Variants in PTPRK observed in about 807,000 individuals in gnomAD.
PTPRK encodes receptor-type tyrosine-protein phosphatase kappa.
In PTPRK, 75 loss-of-function variants were observed where a neutral mutation model predicts 178.0. That is an observed-to-expected ratio of 0.42 (90% confidence interval 0.35 to 0.51). The LOEUF (loss-of-function observed/expected upper bound fraction) is 0.51. Ranked by LOEUF, PTPRK falls within the 20% of genes least tolerant of loss-of-function variation. PTPRK has a pLI of 0.02. For missense variants in PTPRK, 1,441 were observed against 1,797.8 expected (o/e 0.80, Z 3.59); for synonymous variants, 637 against 620.6 (o/e 1.03, Z -0.39).
intron 2 of PTPRK, among the ~76,000 whole-genome samples, chr6:128,394,188 T>C (rs925263495): frequency 4.6e-5 from 7 of 152,244 alleles, no homozygotes; most frequent in African/African-American, 1.4e-4. Flanking sequence ...CATGTTATTG[T>C]ATAAAGCAAT....
Position 128,184,580 on chromosome 6 carries a change from T to C in PTPRK, c.1014A>G (p.Thr338=). The C allele has an allele frequency of 6.2e-7, 1 of 1,614,050 alleles. No individual in the cohort carries two copies. The highest frequency in any genetic ancestry group is 8.5e-7 in the Non-Finnish European group (1 of 1,179,934). ...VEYRMTSGSW[T]ETHAVNAPTY... The stretch of plus-strand genomic sequence containing the variant: ...TTGGAGCATTGACTGCATGGGTTTC[T>C]GTCCAGGATCCTGATGTCATTCGGT... The change falls in exon 7 of 30, where the codon ACA becomes ACG. Residue 338 remains threonine (T), a synonymous_variant. Transcript: ENST00000368226.
chr6:128,457,326 T>A (rs1034672219), intron 1 of PTPRK, among the ~76,000 whole-genome samples: 1 of 152,252 alleles, frequency 6.6e-6, no homozygotes, highest in Non-Finnish European at 1.5e-5. Context: ...TTCTTGCTTG[T>A]TGCATCACTT....
intron 15 of PTPRK, chr6:128,001,202 T>C (rs1287650213): frequency 2.0e-6 from 3 of 1,534,832 alleles, no homozygotes; most frequent in South Asian, 1.2e-5. Context: ...TTACCTGTTA[T>C]AGGAACTTAA....
intron 11 of PTPRK, among the ~76,000 whole-genome samples, chr6:128,072,709 G>C (rs1307347112): frequency 6.6e-6 from 1 of 152,006 alleles, no homozygotes; most frequent in Non-Finnish European, 1.5e-5. Flanking sequence ...ATACAGTCAA[G>C]AATTTCTGCC....
At chr6:128,482,837 C>G (rs1277403808) in intron 1 of PTPRK, among the ~76,000 whole-genome samples, 1 of 152,140 alleles carries the variant, frequency 6.6e-6, no homozygotes, top group Non-Finnish European at 1.5e-5. Context: ...CAGATAGCAT[C>G]TGTCTCTTAC....
In PTPRK at chr6:128,112,970, G is replaced by A. The variant is rs1034850925; in HGVS notation, c.1163-22978C>T. ...GTCATCTACTCACTTACTCAAACCTGAGAGTCATCCTGCATATGATAGTTG... is the reference window on the plus strand; with the variant it reads ...GTCATCTACTCACTTACTCAAACCTAAGAGTCATCCTGCATATGATAGTTG... On this transcript the variant is annotated intron_variant, in intron 7 of 29. Coordinates refer to ENST00000368226, the MANE Select transcript of PTPRK (RefSeq NM_002844.4). Among the ~76,000 whole-genome samples the A allele has an allele frequency of 7.2e-5, 11 of 152,002 alleles. 1 individual carries two copies. The highest frequency in any genetic ancestry group is 6.6e-4 in the Admixed American group (10 of 15,264).
chr6:128,333,282 C>G (rs987796753), intron 2 of PTPRK, among the ~76,000 whole-genome samples: 2 of 152,106 alleles, frequency 1.3e-5, no homozygotes, highest in Admixed American at 1.3e-4. Flanking sequence ...ACATTAAAGA[C>G]CAGAACTGAA....
At chr6:128,258,592 T>A (rs988299870) in intron 3 of PTPRK, among the ~76,000 whole-genome samples, 2 of 152,184 alleles carry the variant, frequency 1.3e-5, no homozygotes, top group African/African-American at 4.8e-5. Flanking sequence ...ATGAAAAACA[T>A]AAAACAAAGT....
At chr6:128,031,898 A>G (rs1346680791) in intron 13 of PTPRK, among the ~76,000 whole-genome samples, 2 of 152,262 alleles carry the variant, frequency 1.3e-5, no homozygotes, top group East Asian at 3.9e-4. Context: ...AGCATCCTCA[A>G]TCTCATGTCC....
chr6:128,276,625 G>T (rs1051234961), intron 3 of PTPRK, among the ~76,000 whole-genome samples: 5 of 152,126 alleles, frequency 3.3e-5, no homozygotes, highest in African/African-American at 1.2e-4. Flanking sequence ...AGTGTAATGT[G>T]ATTCAGTAAA....
chr6:128,085,509 A>G (rs932716543), intron 8 of PTPRK, among the ~76,000 whole-genome samples: 1 of 152,246 alleles, frequency 6.6e-6, no homozygotes, highest in African/African-American at 2.4e-5. Context: ...ATTAATGAAT[A>G]AATGTTGATT....
At chr6:128,464,628 TATATATACAC>T (rs1321126429) in intron 1 of PTPRK, among the ~76,000 whole-genome samples, 1 of 71,158 alleles carries the variant, frequency 1.4e-5, no homozygotes, top group Non-Finnish European at 2.4e-5. Context: ...TACATATATA[TATATATACAC>T]ATATATATAT....
At chr6:128,122,041 T>C (rs912677274) in intron 7 of PTPRK, among the ~76,000 whole-genome samples, 2 of 152,134 alleles carry the variant, frequency 1.3e-5, no homozygotes, top group Non-Finnish European at 2.9e-5. Context: ...AATATGAATA[T>C]ATAATTGTTG....
chr6:127,972,287 G>A (rs942378777), intron 29 of PTPRK, among the ~76,000 whole-genome samples: 2 of 152,176 alleles, frequency 1.3e-5, no homozygotes, highest in African/African-American at 2.4e-5. Flanking sequence ...ACTTTTCTGT[G>A]AGCATACACT....
At chr6:128,228,627 T>A in intron 5 of PTPRK, among the ~76,000 whole-genome samples, 1 of 138,706 alleles carries the variant, frequency 7.2e-6, no homozygotes, top group African/African-American at 2.7e-5. Context: ...GCCACTACAC[T>A]CCAGCTGGGG....
At chr6:128,112,903 C>A (rs1246817453) in intron 7 of PTPRK, among the ~76,000 whole-genome samples, 2 of 152,098 alleles carry the variant, frequency 1.3e-5, no homozygotes, top group Non-Finnish European at 2.9e-5. Flanking sequence ...TAACTGAATT[C>A]ATCTTTCCTA....
intron 3 of PTPRK, among the ~76,000 whole-genome samples, chr6:128,280,708 T>G (rs1821534254): frequency 6.6e-6 from 1 of 152,220 alleles, no homozygotes; most frequent in Non-Finnish European, 1.5e-5. Flanking sequence ...TTGAAAATTA[T>G]GTTCACAAAA....
At chr6:128,063,770 C>G (rs575518115) in intron 13 of PTPRK, among the ~76,000 whole-genome samples, 1 of 152,102 alleles carries the variant, frequency 6.6e-6, no homozygotes, top group East Asian at 1.9e-4. Context: ...TATTCACAAG[C>G]GTCAAAGAGA....
chr6:128,378,062 A>C (rs556454393), intron 2 of PTPRK, among the ~76,000 whole-genome samples: 1 of 152,292 alleles, frequency 6.6e-6, no homozygotes, highest in Non-Finnish European at 1.5e-5. Flanking sequence ...CTTCACAAAA[A>C]TAGATTGAAT....
Sources: gnomAD v4.1 joint callset for allele counts (sites outside exome capture counted in the v4.1 genomes callset) on GRCh38, gnomAD v4.1.1 for gene constraint, MANE v1.5 for transcripts, NCBI Gene and HGNC (gene_info 2026-07-23, HGNC 2026-07-21) for gene names.